The following EEFSEC variants were observed in gnomAD, a reference collection of about 807,000 sequenced individuals.
EEFSEC encodes the protein selenocysteine-specific elongation factor.
Under a neutral mutation model 42.1 loss-of-function variants are expected in EEFSEC, and 43 were observed. The ratio of observed to expected loss-of-function variants is 1.02; its 90% CI spans 0.80 to 1.32. The LOEUF (loss-of-function observed/expected upper bound fraction) is 1.32, where lower values mean the gene tolerates loss of function less well. Ranked by LOEUF, EEFSEC falls within the 40% of genes most tolerant of loss-of-function variation. The pLI, the probability that EEFSEC is intolerant of heterozygous loss-of-function variation, is 0.00. For missense variants in EEFSEC, 745 were observed against 803.6 expected (o/e 0.93, Z 0.88); for synonymous variants, 354 against 339.1 (o/e 1.04, Z -0.48).
the EEFSEC span, among the ~76,000 whole-genome samples, chr3:128,421,944 G>C: frequency 6.6e-6 from 1 of 152,180 alleles, no homozygotes; most frequent in Non-Finnish European, 1.5e-5. Context: ...TCCCCCGGCC[G>C]ACTGATAACT....
At chr3:128,182,977 T>G (rs1276143649) in intron 1 of EEFSEC, among the ~76,000 whole-genome samples, 1 of 152,190 alleles carries the variant, frequency 6.6e-6, no homozygotes, top group East Asian at 1.9e-4. Context: ...TACCCTCTTT[T>G]TGTATGCCAT....
Position 128,371,817 on chromosome 3 carries a change from G to T in EEFSEC, c.1600+13444G>T, listed in dbSNP as rs995952102. ...GGTAGGGGCCCTACAGGGCCATGGG[G>T]AAAGAGAGGACAGAGTGGTCCTGCA... is the stretch of plus-strand genomic sequence containing the variant. On this transcript the variant is annotated intron_variant, in intron 6 of 6. Transcript: ENST00000254730. Among the ~76,000 whole-genome samples the T allele has an allele frequency of 3.3e-5, 5 of 152,210 alleles. No homozygotes were observed. In the South Asian group the frequency reaches 1.0e-3, roughly 32 times the overall value.
At chr3:128,221,670 G>C (rs943428122) in intron 1 of EEFSEC, among the ~76,000 whole-genome samples, 7 of 152,148 alleles carry the variant, frequency 4.6e-5, no homozygotes, top group Non-Finnish European at 1.0e-4. Flanking sequence ...TTGCTGAAGA[G>C]GAGTTTACAG....
chr3:128,262,868 A>G (rs529495943), intron 3 of EEFSEC, among the ~76,000 whole-genome samples: 90 of 152,280 alleles, frequency 5.9e-4, no homozygotes, highest in African/African-American at 2.2e-3. Flanking sequence ...GGAGCCACAG[A>G]GTTCCTCCAC....
chr3:128,372,035 T>C (rs2107605719), intron 6 of EEFSEC, among the ~76,000 whole-genome samples: 1 of 152,350 alleles, frequency 6.6e-6, no homozygotes, highest in East Asian at 1.9e-4. Flanking sequence ...ACTATTTCTC[T>C]TTGCTTAGGA....
At chr3:128,308,807 A>G (rs557879271) in intron 4 of EEFSEC, among the ~76,000 whole-genome samples, 1 of 152,328 alleles carries the variant, frequency 6.6e-6, no homozygotes, top group Non-Finnish European at 1.5e-5. Context: ...CCTGTGCCCT[A>G]GAACCATGGA....
intron 1 of EEFSEC, among the ~76,000 whole-genome samples, chr3:128,235,946 GTTT>G (rs2066005446): frequency 4.9e-5 from 5 of 101,846 alleles, no homozygotes; most frequent in East Asian, 4.9e-4. Context: ...GCAAAGGTTT[GTTT>G]GTTTGTTTGT....
intron 1 of EEFSEC, among the ~76,000 whole-genome samples, chr3:128,217,551 G>T (rs1009729577): frequency 6.6e-6 from 1 of 152,200 alleles, no homozygotes; most frequent in African/African-American, 2.4e-5. Context: ...TTGGCCATTG[G>T]TTTGGCTCTC....
At chr3:128,188,172 G>T (rs1469042364) in intron 1 of EEFSEC, among the ~76,000 whole-genome samples, 1 of 152,112 alleles carries the variant, frequency 6.6e-6, no homozygotes, top group African/African-American at 2.4e-5. Flanking sequence ...GGGATGGAAA[G>T]GAAGGAAGGC....
At chr3:128,330,447 C>G (rs111292235) in intron 4 of EEFSEC, among the ~76,000 whole-genome samples, 3 of 152,182 alleles carry the variant, frequency 2.0e-5, no homozygotes, top group African/African-American at 7.2e-5. Flanking sequence ...AACAACAGAG[C>G]GCACAGGCAC....
intron 6 of EEFSEC, among the ~76,000 whole-genome samples, chr3:128,373,481 C>A (rs2067675871): frequency 6.6e-6 from 1 of 152,228 alleles, no homozygotes; most frequent in Admixed American, 6.5e-5. Flanking sequence ...CTCTGTGGCC[C>A]ACACAGGATC....
At chr3:128,323,532 T>A (rs2067030770) in intron 4 of EEFSEC, among the ~76,000 whole-genome samples, 1 of 152,174 alleles carries the variant, frequency 6.6e-6, no homozygotes, top group South Asian at 2.1e-4. Context: ...TTAATTTCAC[T>A]CTGTCAATCC....
chr3:128,294,479 A>G (rs560016822), intron 4 of EEFSEC, among the ~76,000 whole-genome samples: 24 of 152,352 alleles, frequency 1.6e-4, no homozygotes, highest in African/African-American at 5.1e-4. Context: ...TGCTAGGCAC[A>G]ACAGGTAAAG....
intron 4 of EEFSEC, among the ~76,000 whole-genome samples, chr3:128,308,870 CT>C (rs988272950): frequency 6.6e-6 from 1 of 152,224 alleles, no homozygotes; most frequent in Non-Finnish European, 1.5e-5. Flanking sequence ...AGAGCCGGAG[CT>C]TTAGCTTCCC....
chr3:128,279,144 G>A (rs747166809), intron 4 of EEFSEC, among the ~76,000 whole-genome samples: 1 of 152,116 alleles, frequency 6.6e-6, no homozygotes, highest in East Asian at 1.9e-4. Flanking sequence ...TGAACCATAC[G>A]GCGGCGGCGT....
chr3:128,164,428 C>T (rs1348488326), intron 1 of EEFSEC, among the ~76,000 whole-genome samples: 1 of 152,092 alleles, frequency 6.6e-6, no homozygotes, highest in African/African-American at 2.4e-5. Context: ...CACGGCTGGG[C>T]CTGGAAGGAT....
rs116635948 is a variant in EEFSEC at position 128,173,301 on chromosome 3, C to T, written c.316+19478C>T. 4.6e-3 allele frequency among the ~76,000 whole-genome samples: 698 copies of T among 152,240 alleles called. 4 individuals are homozygous for T. The highest frequency in any genetic ancestry group is 0.015 in the African/African-American group (614 of 41,540). On this transcript the variant is annotated intron_variant, in intron 1 of 6. Coordinates refer to ENST00000254730, the MANE Select transcript of EEFSEC (RefSeq NM_021937.5). Reference sequence around the variant, plus strand: ...GAAAAGTTGTTCCTGCGTGTGGATTCTGGGTTGTTTTCCATCTTCACTCCC... The same window carrying T: ...GAAAAGTTGTTCCTGCGTGTGGATTTTGGGTTGTTTTCCATCTTCACTCCC...
At chr3:128,351,933 A>G (rs1394654664) in intron 5 of EEFSEC, among the ~76,000 whole-genome samples, 3 of 152,246 alleles carry the variant, frequency 2.0e-5, no homozygotes, top group Non-Finnish European at 2.9e-5. Context: ...AGCAAGGCCT[A>G]TTGAGCAGAT....
intron 6 of EEFSEC, among the ~76,000 whole-genome samples, chr3:128,385,769 T>A (rs932794854): frequency 1.3e-5 from 2 of 152,106 alleles, no homozygotes; most frequent in Non-Finnish European, 2.9e-5. Flanking sequence ...AGCCCTCAGC[T>A]CCCTAGCCTG....
Sources: gnomAD v4.1 joint callset for allele counts (sites outside exome capture counted in the v4.1 genomes callset) on GRCh38, gnomAD v4.1.1 for gene constraint, MANE v1.5 for transcripts, NCBI Gene and HGNC (gene_info 2026-07-23, HGNC 2026-07-21) for gene names.